Variants in EXOC6B observed in about 807,000 individuals in gnomAD.
The protein encoded by EXOC6B is SEC15 homolog B.
Under a neutral mutation model 113.5 loss-of-function variants are expected in EXOC6B, and 54 were observed. That is an observed-to-expected ratio of 0.48 (90% CI 0.38 to 0.60). The LOEUF (loss-of-function observed/expected upper bound fraction) is 0.60, where lower values mean the gene tolerates loss of function less well. Among genes scored for constraint, EXOC6B ranks in the 20% least tolerant of loss-of-function variants. The pLI is 0.00. For missense variants in EXOC6B, 797 were observed against 977.5 expected (o/e 0.82, Z 2.46); for synonymous variants, 357 against 339.0 (o/e 1.05, Z -0.58).
intron 20 of EXOC6B, among the ~76,000 whole-genome samples, chr2:72,230,551 C>A (rs904520178): frequency 1.3e-5 from 2 of 152,048 alleles, no homozygotes; most frequent in African/African-American, 4.8e-5. Flanking sequence ...ACAATGGATC[C>A]CCTGCATTCT....
At chr2:72,518,748 G>A (rs1055770255) in intron 8 of EXOC6B, among the ~76,000 whole-genome samples, 1 of 152,082 alleles carries the variant, frequency 6.6e-6, no homozygotes, top group Non-Finnish European at 1.5e-5. Context: ...CAAGAGATGA[G>A]GCAGGAAAGC....
At chr2:72,751,645 C>A (rs1160801815) in intron 1 of EXOC6B, among the ~76,000 whole-genome samples, 1 of 151,940 alleles carries the variant, frequency 6.6e-6, no homozygotes, top group East Asian at 1.9e-4. Flanking sequence ...ACTATAACAA[C>A]TGTTATTTGA....
intron 14 of EXOC6B, among the ~76,000 whole-genome samples, chr2:72,496,108 G>A (rs954485596): frequency 2.0e-5 from 3 of 152,032 alleles, no homozygotes; most frequent in African/African-American, 7.2e-5. Flanking sequence ...TAAATTTTAT[G>A]TTGTGGGGAA....
chr2:72,812,340 C>T (rs1685969030), intron 1 of EXOC6B, among the ~76,000 whole-genome samples: 1 of 152,136 alleles, frequency 6.6e-6, no homozygotes, highest in Admixed American at 6.5e-5. Context: ...TATGTGCCAA[C>T]CTTGTATGCT....
chr2:72,396,027 G>A (rs1245545148), intron 18 of EXOC6B, among the ~76,000 whole-genome samples: 2 of 151,914 alleles, frequency 1.3e-5, no homozygotes, highest in South Asian at 2.1e-4. Flanking sequence ...ACTGATTATA[G>A]TAAAATTTAA....
At chr2:72,580,065 AAAC>A (rs1049931087) in intron 6 of EXOC6B, among the ~76,000 whole-genome samples, 9 of 151,978 alleles carry the variant, frequency 5.9e-5, no homozygotes, top group South Asian at 2.1e-4. Flanking sequence ...TAAAACAAAC[AAAC>A]AACAACAACA....
intron 19 of EXOC6B, among the ~76,000 whole-genome samples, chr2:72,371,733 T>C (rs1429907372): frequency 3.9e-5 from 6 of 152,294 alleles, no homozygotes; most frequent in Middle Eastern, 3.4e-3. Flanking sequence ...TCATACTGAA[T>C]GGAGAAAAAC....
intron 19 of EXOC6B, among the ~76,000 whole-genome samples, chr2:72,370,395 C>G (rs1241444789): frequency 1.3e-5 from 2 of 152,124 alleles, no homozygotes; most frequent in African/African-American, 4.8e-5. Flanking sequence ...GAAATAGGAA[C>G]ACTTTTACAC....
rs763150455 is a variant in EXOC6B at position 72,731,028 on chromosome 2, C to T, written c.443G>A (p.Arg148Lys). 9 of 1,541,820 alleles carry T rather than the reference C, an allele frequency of 5.8e-6. No homozygotes were observed. In the South Asian group the frequency reaches 1.1e-4, roughly 19 times the overall value. Residue 148 changes from arginine to lysine, a missense_variant, in exon 5 of 22, where the codon AGG becomes AAG. Arg to Lys is a conservative substitution (Grantham distance 26). Transcript: ENST00000272427. ...LPVLEMYSKL[R>K]DQMKTKRHYP... ...TTACCTTTTAGTTTTCATCTGGTCCCTCAGTTTGCTGTACATCTCTAGGAC... is the reference window on the plus strand; with the variant it reads ...TTACCTTTTAGTTTTCATCTGGTCCTTCAGTTTGCTGTACATCTCTAGGAC...
chr2:72,782,293 T>C (rs1414808269), intron 1 of EXOC6B, among the ~76,000 whole-genome samples: 2 of 152,282 alleles, frequency 1.3e-5, no homozygotes, highest in East Asian at 1.9e-4. Flanking sequence ...ATCCTAGCCA[T>C]TCCTCAAAAC....
At chr2:72,190,761 C>T (rs1377480380) in intron 20 of EXOC6B, among the ~76,000 whole-genome samples, 1 of 152,154 alleles carries the variant, frequency 6.6e-6, no homozygotes, top group Non-Finnish European at 1.5e-5. Flanking sequence ...AACTCACTCC[C>T]CAGAAGCTCA....
At chr2:72,284,139 C>A (rs1685287512) in intron 20 of EXOC6B, among the ~76,000 whole-genome samples, 1 of 152,050 alleles carries the variant, frequency 6.6e-6, no homozygotes, top group African/African-American at 2.4e-5. Context: ...ACGAGGCCAG[C>A]ATTACCCTAA....
chr2:72,628,411 G>T (rs1672187709), intron 6 of EXOC6B, among the ~76,000 whole-genome samples: 1 of 152,098 alleles, frequency 6.6e-6, no homozygotes, highest in Admixed American at 6.6e-5. Context: ...TTACAGGTGT[G>T]AGCTCCCATG....
intron 11 of EXOC6B, among the ~76,000 whole-genome samples, chr2:72,502,281 C>T (rs533462123): frequency 3.1e-4 from 47 of 152,190 alleles, no homozygotes; most frequent in African/African-American, 1.1e-3. Flanking sequence ...GGCGTGGTGG[C>T]TCACGCCTGT....
chr2:72,388,024 A>G (rs1401503076), intron 18 of EXOC6B, among the ~76,000 whole-genome samples: 4 of 152,136 alleles, frequency 2.6e-5, no homozygotes, highest in Non-Finnish European at 5.9e-5. Context: ...ACATTTGGCA[A>G]TGTCTGAAGA....
At chr2:72,267,881 A>T (rs573073682) in intron 20 of EXOC6B, among the ~76,000 whole-genome samples, 1 of 152,204 alleles carries the variant, frequency 6.6e-6, no homozygotes, top group Non-Finnish European at 1.5e-5. Context: ...AAATGACTCA[A>T]TGAAATCAGT....
intron 18 of EXOC6B, among the ~76,000 whole-genome samples, chr2:72,445,232 G>A (rs1416334039): frequency 1.3e-5 from 2 of 152,160 alleles, no homozygotes; most frequent in Non-Finnish European, 2.9e-5. Context: ...TTCCCAACAA[G>A]TTCCTCATCT....
At chr2:72,354,007 A>G (rs571980680) in intron 19 of EXOC6B, among the ~76,000 whole-genome samples, 1 of 152,326 alleles carries the variant, frequency 6.6e-6, no homozygotes, top group South Asian at 2.1e-4. Flanking sequence ...GATCACAACT[A>G]AAAAATAAAT....
chr2:72,415,355 A>G (rs1030503622), intron 18 of EXOC6B, among the ~76,000 whole-genome samples: 44 of 151,268 alleles, frequency 2.9e-4, no homozygotes, highest in Non-Finnish European at 5.6e-4. Context: ...AAAAAAAAAT[A>G]CAGTGATTAA....
Sources: allele counts gnomAD v4.1 joint callset (sites outside exome capture counted in the v4.1 genomes callset), GRCh38; gene constraint gnomAD v4.1.1; transcripts MANE v1.5; gene names NCBI Gene and HGNC (gene_info 2026-07-23, HGNC 2026-07-21).